BCL2L1: variants seen among roughly 807,000 people sequenced by gnomAD.
BCL2L1 encodes BCL2 like 1.
Under a neutral mutation model 18.7 loss-of-function variants are expected in BCL2L1, and 1 was observed. That is an observed-to-expected ratio of 0.05 (90% CI 0.02 to 0.25). The LOEUF (loss-of-function observed/expected upper bound fraction) is 0.25. Ranked by LOEUF, BCL2L1 falls within the 10% of genes least tolerant of loss-of-function variation. BCL2L1 has a pLI of 1.00. For missense variants in BCL2L1, 207 were observed against 304.9 expected, an observed-to-expected ratio of 0.68 and a Z score of 2.39; for synonymous variants, 103 against 122.7, an observed-to-expected ratio of 0.84 and a Z score of 1.06.
intron 2 of BCL2L1, among the ~76,000 whole-genome samples, chr20:31,707,729 G>C (rs1317597704): frequency 6.6e-6 from 1 of 151,176 alleles, no homozygotes; most frequent in Admixed American, 6.6e-5. Flanking sequence ...GGTGAGCCGA[G>C]GTGGCACCAT....
chr20:31,722,027 C>A lies in BCL2L1; in HGVS notation c.192G>T (p.Ala64=), dbSNP rs762082702. 1.2e-6 allele frequency: 2 copies of A among 1,611,674 alleles called. No individual in the cohort carries two copies. The highest frequency in any genetic ancestry group is 1.1e-5 in the South Asian group (1 of 90,820). ...TGCTGTGGCCAGTGGCTCCATTCAC[C>A]GCGGGGCTGTCTGCCAGGTGCCAGG... ...NPSWHLADSP[A]VNGATGHSSS... is the part of the protein sequence containing the mutation. The change falls in exon 2 of 3, where the codon GCG becomes GCT. Residue 64 remains alanine, a synonymous_variant. Coordinates refer to ENST00000307677, the MANE Select transcript of BCL2L1 (RefSeq NM_138578.3).
intron 2 of BCL2L1, among the ~76,000 whole-genome samples, chr20:31,685,399 C>A (rs1419195640): frequency 5.5e-4 from 73 of 132,942 alleles, no homozygotes; most frequent in African/African-American, 8.3e-4. Flanking sequence ...GACTCCATCT[C>A]AAAAAAAAAA....
chr20:31,713,370 G>A (rs1255525254), intron 2 of BCL2L1: 1 of 985,300 alleles, frequency 1.0e-6, no homozygotes, highest in Non-Finnish European at 1.2e-6. Flanking sequence ...AGGAAAGGCA[G>A]GGACACGTCC....
At chr20:31,699,527 G>T (rs1232749437) in intron 2 of BCL2L1, among the ~76,000 whole-genome samples, 2 of 152,200 alleles carry the variant, frequency 1.3e-5, no homozygotes, top group Non-Finnish European at 2.9e-5. Context: ...CTCTCAGCTG[G>T]GAGTACAGTA....
In BCL2L1 at chr20:31,665,203, G is replaced by A. The variant is rs558611326; in HGVS notation, c.*746C>T. On this transcript the variant is annotated 3_prime_UTR_variant, in exon 3 of 3. Transcript: ENST00000307677. The stretch of plus-strand genomic sequence containing the variant: ...TTGGTCCCTCAGTATGGTCATGGGA[G>A]CCAGGGAGGGGAAGGGACTAGGGTG... 21 of 171,166 alleles carry A rather than the reference G, an allele frequency of 1.2e-4. No individual in the cohort carries two copies. The highest frequency in any genetic ancestry group is 1.9e-4 in the Non-Finnish European group (15 of 78,576). 10.6% of individuals were successfully genotyped at this position (171,166 alleles called of 1,614,324 possible). A position where few individuals can be genotyped will look rare whatever the true frequency, so the allele number is the denominator to read the frequency against.
intron 2 of BCL2L1, among the ~76,000 whole-genome samples, chr20:31,710,266 G>A (rs2061433391): frequency 6.6e-6 from 1 of 152,192 alleles, no homozygotes; most frequent in Non-Finnish European, 1.5e-5. Flanking sequence ...GACCTCTAGG[G>A]AGGTGATATC....
intron 2 of BCL2L1, among the ~76,000 whole-genome samples, chr20:31,699,058 T>C (rs1322480040): frequency 6.6e-6 from 1 of 152,220 alleles, no homozygotes; most frequent in Non-Finnish European, 1.5e-5. Flanking sequence ...AGAAGGGTCA[T>C]ATGGCTAAAT....
At position 31,703,645 on chromosome 20, in the gene BCL2L1, C is replaced by T. The variant is rs538148015; in HGVS notation, c.564+18010G>A. On this transcript the variant is annotated intron_variant, in intron 2 of 2. Coordinates refer to ENST00000307677, the MANE Select transcript of BCL2L1 (RefSeq NM_138578.3). ...TAGCTGAGAATACAGTCATGCACCACCACACCCGGCTAATTTTTTTATTTT... is the reference window on the plus strand; with the variant it reads ...TAGCTGAGAATACAGTCATGCACCATCACACCCGGCTAATTTTTTTATTTT... 2.1e-4 allele frequency among the ~76,000 whole-genome samples: 32 copies of T among 150,810 alleles called. No homozygotes were observed. In the Middle Eastern group the frequency reaches 0.014, roughly 67 times the overall value.
chr20:31,680,679 A>T (rs1157059787), intron 2 of BCL2L1, among the ~76,000 whole-genome samples: 2 of 152,234 alleles, frequency 1.3e-5, no homozygotes, highest in Non-Finnish European at 2.9e-5. Flanking sequence ...GTCATTCAAC[A>T]AATCTTCATT....
At chr20:31,708,707 C>T (rs564471024) in intron 2 of BCL2L1, among the ~76,000 whole-genome samples, 1 of 152,178 alleles carries the variant, frequency 6.6e-6, no homozygotes. Flanking sequence ...GCAGGAGGTA[C>T]CTGATTGCCA....
chr20:31,692,732 A>G (rs928437526), intron 2 of BCL2L1, among the ~76,000 whole-genome samples: 2 of 152,150 alleles, frequency 1.3e-5, no homozygotes, highest in Non-Finnish European at 2.9e-5. Context: ...AAGATGGTGA[A>G]ACCCCATCTC....
chr20:31,671,565 T>C (rs2060668475), intron 2 of BCL2L1, among the ~76,000 whole-genome samples: 1 of 152,092 alleles, frequency 6.6e-6, no homozygotes, highest in East Asian at 1.9e-4. Flanking sequence ...ATGTCTCCTT[T>C]CTGTTCCCAG....
chr20:31,697,096 C>T (rs1402149252), intron 2 of BCL2L1, among the ~76,000 whole-genome samples: 1 of 151,654 alleles, frequency 6.6e-6, no homozygotes, highest in East Asian at 1.9e-4. Flanking sequence ...ATGGCATGTG[C>T]CTATATTTTA....
At position 31,721,892 on chromosome 20, in the gene BCL2L1, T is replaced by C. The variant is rs374318445; in HGVS notation, c.327A>G (p.Thr109=). The C allele has an allele frequency of 6.8e-6, 11 of 1,614,106 alleles. No individual in the cohort carries two copies. The African/African-American group carries it at 1.2e-4, about 18-fold the overall frequency. Residue 109 remains threonine, a synonymous_variant, in exon 2 of 3, where the codon ACA becomes ACG. Transcript: ENST00000307677. The part of the protein sequence containing the change: ...LRYRRAFSDL[T]SQLHITPGTA... ...TCCCTGGGGTGATGTGGAGCTGGGA[T>C]GTCAGGTCACTGAATGCCCGCCGGT...
At chr20:31,701,290 G>C (rs1211260283) in intron 2 of BCL2L1, among the ~76,000 whole-genome samples, 1 of 152,154 alleles carries the variant, frequency 6.6e-6, no homozygotes, top group Non-Finnish European at 1.5e-5. Context: ...CTGACCTCAT[G>C]ATCTGCCCAC....
At chr20:31,668,603 CTTTT>C (rs1234488543) in intron 2 of BCL2L1, among the ~76,000 whole-genome samples, 2 of 127,068 alleles carry the variant, frequency 1.6e-5, no homozygotes, top group Non-Finnish European at 3.3e-5. Flanking sequence ...CATATCTGGC[CTTTT>C]TTTTTTTTTT....
intron 2 of BCL2L1, among the ~76,000 whole-genome samples, chr20:31,671,001 G>C (rs1361931271): frequency 1.3e-5 from 2 of 152,210 alleles, no homozygotes; most frequent in Non-Finnish European, 2.9e-5. Flanking sequence ...TGAGGTTTAA[G>C]AGTGGGTTGT....
At chr20:31,670,344 G>A (rs1043665562) in intron 2 of BCL2L1, among the ~76,000 whole-genome samples, 2 of 152,184 alleles carry the variant, frequency 1.3e-5, no homozygotes, top group African/African-American at 4.8e-5. Context: ...AAGAGCATAG[G>A]AGAAGGCCCT....
At chr20:31,671,617 C>A (rs1369478029) in intron 2 of BCL2L1, among the ~76,000 whole-genome samples, 1 of 152,080 alleles carries the variant, frequency 6.6e-6, no homozygotes, top group South Asian at 2.1e-4. Context: ...TGCACTGAGG[C>A]TGGCATTGGA....
Sources: allele counts gnomAD v4.1 joint callset (sites outside exome capture counted in the v4.1 genomes callset), GRCh38; gene constraint gnomAD v4.1.1; transcripts MANE v1.5; gene names NCBI Gene and HGNC (gene_info 2026-07-23, HGNC 2026-07-21).